TKT: variants seen among roughly 807,000 people sequenced by gnomAD.
TKT encodes epididymis luminal protein 107.
Under a neutral mutation model 63.9 loss-of-function variants are expected in TKT, and 47 were observed. The observed-to-expected ratio is 0.74, with a 90% CI of 0.58 to 0.94. The LOEUF (loss-of-function observed/expected upper bound fraction) is 0.94. TKT is among the 40% of genes least tolerant of loss of function. The pLI, the probability that TKT is intolerant of heterozygous loss-of-function variation, is 0.00. For missense variants in TKT, 721 were observed against 846.2 expected (o/e 0.85, Z 1.84); for synonymous variants, 338 against 334.1 (o/e 1.01, Z -0.13).
At chr3:53,231,694 G>T in intron 6 of TKT, 144 bp from the exon 7 acceptor site, 2 of 816,692 alleles carry the variant, frequency 2.4e-6, no homozygotes, top group Non-Finnish European at 3.8e-6. Flanking sequence ...GCCCAGCCAG[G>T]CACGGGGGCC....
Position 53,228,222 on chromosome 3 carries a change from A to T in TKT, c.1479+54T>A, listed in dbSNP as rs529668831. 5 of 1,613,314 alleles carry T rather than the reference A, an allele frequency of 3.1e-6. No homozygotes were observed. In the East Asian group the frequency reaches 1.1e-4, roughly 36 times the overall value. ...GTGTGCCCTGACTGCTGGGAGTCAC[A>T]GCAGGGAGGGTCCAGGCAGCTCTGT... On this transcript the variant is annotated intron_variant, in intron 11 of 13. Transcript: ENST00000462138.
chr3:53,246,015 C>T (rs1302741126), intron 1 of TKT, among the ~76,000 whole-genome samples: 1 of 152,112 alleles, frequency 6.6e-6, no homozygotes, highest in African/African-American at 2.4e-5. Flanking sequence ...CACCTGTAAT[C>T]CCAGCACTCT....
chr3:53,228,374 G>A lies in TKT; in HGVS notation c.1396-15C>T. ...AAGCAGATACCCTGAGACCGAAACA[G>A]ATAAACTGAGGATACAGGATGTGGC... On this transcript the variant is annotated splice_polypyrimidine_tract_variant and intron_variant, in intron 10 of 13. Transcript: ENST00000462138. 6.2e-7 allele frequency: 1 copy of A among 1,613,622 alleles called. No individual in the cohort carries two copies. Among genetic ancestry groups the A allele is most frequent in the Middle Eastern group, 1.7e-4 (1 of 6,058 alleles).
intron 7 of TKT, among the ~76,000 whole-genome samples, chr3:53,230,919 G>A (rs1704727493): frequency 6.6e-6 from 1 of 152,228 alleles, no homozygotes; most frequent in Non-Finnish European, 1.5e-5. Context: ...CACTTTGCAT[G>A]GGAACACAGA....
chr3:53,252,905 T>G (rs1575576921), intron 1 of TKT, among the ~76,000 whole-genome samples: 1 of 151,912 alleles, frequency 6.6e-6, no homozygotes, highest in Non-Finnish European at 1.5e-5. Flanking sequence ...AATGGTGCAA[T>G]CTCAGCTCAC....
intron 4 of TKT, chr3:53,237,775 A>C (rs1448009867): frequency 6.6e-6 from 1 of 152,078 alleles, no homozygotes; most frequent in Admixed American, 6.6e-5. Flanking sequence ...ACAAAAAATT[A>C]GCCAGGCGTG....
chr3:53,226,546 C>T, intron 13 of TKT: 1 of 616,378 alleles, frequency 1.6e-6, no homozygotes, highest in Non-Finnish European at 2.8e-6. Context: ...AGCAGGAGCT[C>T]CACAGAGCTC....
At chr3:53,254,860 A>C (rs1344914053) in intron 1 of TKT, among the ~76,000 whole-genome samples, 1 of 152,228 alleles carries the variant, frequency 6.6e-6, no homozygotes, top group African/African-American at 2.4e-5. Flanking sequence ...TCCGCTACAG[A>C]GGAGGCTCCT....
intron 10 of TKT, chr3:53,228,585 CCAGGTAGACTGGCTG>C: frequency 1.8e-6 from 1 of 555,094 alleles, no homozygotes. Context: ...CAACTTTCCA[CCAGGTAGACTGGCTG>C]CAGGTGGGCT....
intron 1 of TKT, among the ~76,000 whole-genome samples, chr3:53,245,967 T>G (rs1177294662): frequency 6.6e-6 from 1 of 152,106 alleles, no homozygotes; most frequent in Non-Finnish European, 1.5e-5. Flanking sequence ...TTCCACACAT[T>G]CTACAGGAAA....
rs1553675388 is a variant in TKT at position 53,225,940 on chromosome 3, G to A, written c.1697-9C>T. On this transcript the variant is annotated splice_polypyrimidine_tract_variant and intron_variant, in intron 13 of 13. Transcript: ENST00000462138. ...AGCCTCACCAATGCCACCTAGAAAT[G>A]AAAGGAGGGGAGTCAGAAGACGAGG... 2 of 1,601,622 alleles carry A rather than the reference G, an allele frequency of 1.2e-6. No individual in the cohort carries two copies. Among genetic ancestry groups the A allele is most frequent in the South Asian group, 2.2e-5 (2 of 90,214 alleles).
intron 12 of TKT, 24 bp downstream of exon 12, chr3:53,228,032 A>G (rs373541266): frequency 1.2e-6 from 2 of 1,608,966 alleles, no homozygotes; most frequent in Non-Finnish European, 1.7e-6. Context: ...TCAGTTGATG[A>G]CTTTGGAGGC....
chr3:53,253,037 C>T (rs971207707), intron 1 of TKT, among the ~76,000 whole-genome samples: 3 of 152,070 alleles, frequency 2.0e-5, no homozygotes, highest in African/African-American at 4.8e-5. Flanking sequence ...GACAGGGTTT[C>T]ACCATGTTGG....
At chr3:53,252,863 A>T (rs1258232377) in intron 1 of TKT, among the ~76,000 whole-genome samples, 3 of 150,710 alleles carry the variant, frequency 2.0e-5, no homozygotes, top group Non-Finnish European at 3.0e-5. Flanking sequence ...TTTTGAGAAG[A>T]AGTTTCAATT....
intron 4 of TKT, among the ~76,000 whole-genome samples, chr3:53,238,736 G>C (rs530033640): frequency 7.9e-5 from 12 of 152,306 alleles, no homozygotes; most frequent in Middle Eastern, 3.4e-3. Context: ...GAGCAGCCTG[G>C]GTACCTCCAC....
chr3:53,229,178 A>ACC, intron 9 of TKT, 41 bp from the exon 10 acceptor site: 10 of 1,611,366 alleles, frequency 6.2e-6, no homozygotes, highest in Non-Finnish European at 8.5e-6. Flanking sequence ...TAAGACCCCT[A>ACC]CCCCCCCATC....
chr3:53,253,884 G>C (rs1256853638), intron 1 of TKT, among the ~76,000 whole-genome samples: 2 of 152,160 alleles, frequency 1.3e-5, no homozygotes, highest in African/African-American at 4.8e-5. Flanking sequence ...TTACAGGCAT[G>C]AACCACCATG....
chr3:53,240,103 T>C (rs1288206296), intron 4 of TKT, 148 bp downstream of exon 4: 1 of 668,108 alleles, frequency 1.5e-6, no homozygotes, highest in East Asian at 2.9e-5. Context: ...CCATAGCGGA[T>C]GTTTAAAGAG....
chr3:53,246,409 C>A (rs1437794226), intron 1 of TKT, among the ~76,000 whole-genome samples: 5 of 152,182 alleles, frequency 3.3e-5, no homozygotes, highest in African/African-American at 9.7e-5. Flanking sequence ...TAATGGGATA[C>A]TATACAGCAG....
Sources: gnomAD v4.1 joint callset for allele counts (sites outside exome capture counted in the v4.1 genomes callset) on GRCh38, gnomAD v4.1.1 for gene constraint, MANE v1.5 for transcripts, NCBI Gene and HGNC (gene_info 2026-07-23, HGNC 2026-07-21) for gene names.